Variants in SASH1 observed in about 807,000 individuals in gnomAD.
SASH1 encodes the protein SAM and SH3 domain containing 1.
A neutral mutation model predicts 125.2 loss-of-function variants in SASH1; 44 were observed. That is an observed-to-expected ratio of 0.35 (90% CI 0.28 to 0.45). SASH1 has a LOEUF of 0.45. Ranked by LOEUF, SASH1 falls within the 20% of genes least tolerant of loss-of-function variation. SASH1 has a pLI of 1.00. For missense variants in SASH1, 1,426 were observed against 1,614.5 expected, an observed-to-expected ratio of 0.88 and a Z score of 2.00; for synonymous variants, 639 against 649.1, an observed-to-expected ratio of 0.98 and a Z score of 0.24.
chr6:148,242,430 G>A, the SASH1 span, among the ~76,000 whole-genome samples: 1 of 148,662 alleles, frequency 6.7e-6, no homozygotes, highest in Admixed American at 6.7e-5. Context: ...ATTAGCCTGG[G>A]AACACTTTCA....
At chr6:148,266,904 C>A in the SASH1 span, among the ~76,000 whole-genome samples, 1 of 152,098 alleles carries the variant, frequency 6.6e-6, no homozygotes, top group African/African-American at 2.4e-5. Flanking sequence ...AGCCACCATG[C>A]CTGGCCTCTT....
intron 4 of SASH1, among the ~76,000 whole-genome samples, chr6:148,459,846 A>G (rs955188182): frequency 3.3e-5 from 5 of 152,242 alleles, no homozygotes; most frequent in African/African-American, 1.2e-4. Flanking sequence ...TGTTTTGCAT[A>G]GCAGGAAACT....
chr6:148,294,128 C>G (rs1415025896), intron 1 of SASH1, among the ~76,000 whole-genome samples: 2 of 152,220 alleles, frequency 1.3e-5, no homozygotes, highest in Non-Finnish European at 2.9e-5. Flanking sequence ...CCAAGTGGCA[C>G]TGGTCATTTG....
At chr6:148,259,353 T>C in the SASH1 span, among the ~76,000 whole-genome samples, 1 of 152,236 alleles carries the variant, frequency 6.6e-6, no homozygotes, top group African/African-American at 2.4e-5. Flanking sequence ...TGTTCCCAGT[T>C]TGTTCTACTG....
chr6:148,389,216 A>G (rs1327161942), intron 1 of SASH1, among the ~76,000 whole-genome samples: 3 of 152,188 alleles, frequency 2.0e-5, no homozygotes. Context: ...TAAGCGCTTC[A>G]CACGTGTTAC....
At chr6:148,345,832 C>T (rs182518420) in intron 1 of SASH1, among the ~76,000 whole-genome samples, 21 of 152,276 alleles carry the variant, frequency 1.4e-4, no homozygotes, top group Non-Finnish European at 2.9e-5. Context: ...GTCGCTGGCC[C>T]CTCCAGTAGG....
intron 6 of SASH1, among the ~76,000 whole-genome samples, chr6:148,471,875 C>T (rs1168998258): frequency 2.0e-5 from 3 of 152,060 alleles, no homozygotes; most frequent in Admixed American, 6.6e-5. Flanking sequence ...CTCTCCTGTC[C>T]GCGTTCCCAC....
intron 2 of SASH1, among the ~76,000 whole-genome samples, chr6:148,419,127 A>G (rs1784940338): frequency 6.6e-6 from 1 of 152,222 alleles, no homozygotes; most frequent in Admixed American, 6.5e-5. Context: ...TTTCTGTTTC[A>G]GGTAATAAGC....
At chr6:148,327,197 T>A (rs1321699305) in intron 1 of SASH1, among the ~76,000 whole-genome samples, 1 of 152,100 alleles carries the variant, frequency 6.6e-6, no homozygotes, top group Non-Finnish European at 1.5e-5. Flanking sequence ...ATGTGAGACA[T>A]AATTGGTCCT....
At chr6:148,540,353 A>G in intron 16 of SASH1, 90 bp from the exon 17 acceptor site, 1 of 918,982 alleles carries the variant, frequency 1.1e-6, no homozygotes, top group South Asian at 1.4e-5. Flanking sequence ...AGCTCAGGGC[A>G]GTAACTGAGG....
At chr6:148,520,605 GC>G (rs953224244) in intron 10 of SASH1, among the ~76,000 whole-genome samples, 115 of 152,180 alleles carry the variant, frequency 7.6e-4, no homozygotes, top group Admixed American at 2.4e-3. Context: ...CTGTTTGAGT[GC>G]CCATTAAAAT....
chr6:148,542,875 T>C (rs562725479), intron 17 of SASH1, among the ~76,000 whole-genome samples: 86 of 150,400 alleles, frequency 5.7e-4, no homozygotes, highest in Non-Finnish European at 9.3e-4. Context: ...TGTGTGTGTG[T>C]GTGTGCGCGC....
intron 6 of SASH1, among the ~76,000 whole-genome samples, chr6:148,471,980 T>C (rs1778142689): frequency 6.6e-6 from 1 of 152,212 alleles, no homozygotes; most frequent in Non-Finnish European, 1.5e-5. Context: ...TCTGACATCA[T>C]GGGAATTTGC....
rs116525173 is a variant in SASH1, at chr6:148,412,739, C to G, written c.285+22477C>G. ...GGATCCACCCCCATGACCCAAACACCCCCGACCAGGCCCCACCTCCACCAC... is the reference window on the plus strand; with the variant it reads ...GGATCCACCCCCATGACCCAAACACGCCCGACCAGGCCCCACCTCCACCAC... On this transcript the variant is annotated intron_variant, in intron 2 of 19. Coordinates refer to ENST00000367467, the MANE Select transcript of SASH1 (RefSeq NM_015278.5). 3.9e-5 allele frequency among the ~76,000 whole-genome samples: 6 copies of G among 152,202 alleles called. No homozygotes were observed. In the South Asian group the frequency reaches 1.2e-3, roughly 32 times the overall value.
chr6:148,315,914 T>C (rs904459795), intron 1 of SASH1, among the ~76,000 whole-genome samples: 5 of 152,016 alleles, frequency 3.3e-5, no homozygotes, highest in African/African-American at 1.2e-4. Flanking sequence ...AAGGAAAAAA[T>C]AAAAGCCTCG....
intron 4 of SASH1, among the ~76,000 whole-genome samples, chr6:148,449,079 T>TTTTTTTTTTTC (rs1776958876): frequency 4.9e-5 from 3 of 61,428 alleles, no homozygotes; most frequent in Admixed American, 1.6e-4. Flanking sequence ...ATTTCATTTC[T>TTTTTTTTTTTC]TTTTTTTTTT....
At chr6:148,432,208 C>T (rs1776091201) in intron 2 of SASH1, among the ~76,000 whole-genome samples, 1 of 152,178 alleles carries the variant, frequency 6.6e-6, no homozygotes, top group African/African-American at 2.4e-5. Flanking sequence ...CTCCCGACCT[C>T]AGGTGATCTG....
intron 4 of SASH1, among the ~76,000 whole-genome samples, chr6:148,456,542 A>G (rs55816872): frequency 0.019 from 2,884 of 152,338 alleles, 38 homozygotes; most frequent in Non-Finnish European, 0.028. Flanking sequence ...ATTTTGCCCC[A>G]TTTACAAAAT....
intron 1 of SASH1, among the ~76,000 whole-genome samples, chr6:148,278,049 T>C (rs1779234522): frequency 6.6e-6 from 1 of 151,366 alleles, no homozygotes; most frequent in Non-Finnish European, 1.5e-5. Flanking sequence ...TTTTTCTGTT[T>C]TGTTTTTTTG....
Sources: allele counts gnomAD v4.1 joint callset (sites outside exome capture counted in the v4.1 genomes callset), GRCh38; gene constraint gnomAD v4.1.1; transcripts MANE v1.5; gene names NCBI Gene and HGNC (gene_info 2026-07-23, HGNC 2026-07-21).